Variants in OPHN1 observed in about 807,000 individuals in gnomAD.
OPHN1 encodes oligophrenin-1.
In OPHN1, 11 loss-of-function variants were observed where a neutral mutation model predicts 60.7. That is an observed-to-expected ratio of 0.18 (90% confidence interval 0.11 to 0.30). OPHN1 has a LOEUF of 0.30. Among genes scored for constraint, OPHN1 ranks in the 10% least tolerant of loss-of-function variants. OPHN1 has a pLI of 1.00. For synonymous variants in OPHN1, 226 were observed against 222.6 expected, an observed-to-expected ratio of 1.02 and a Z score of -0.14; for missense variants, 449 against 611.0, an observed-to-expected ratio of 0.73 and a Z score of 2.80.
Position 68,193,959 on chromosome X carries a change from CA to C in OPHN1, c.1139-8del, listed in dbSNP as rs964337927. The stretch of plus-strand genomic sequence containing the variant: ...CCCACTTCATTTAGCTCCACTGTTT[CA>C]AGCAAAGGAAAAGAGTTAGATCCTG... On this transcript the variant is annotated splice_region_variant and splice_polypyrimidine_tract_variant and intron_variant, in intron 13 of 24. Transcript: ENST00000355520. 8 of 1,199,987 alleles carry C rather than the reference CA, an allele frequency of 6.7e-6. No individual in the cohort carries two copies. The African/African-American group carries it at 1.4e-4, about 21-fold the overall frequency.
intron 17 of OPHN1, chrX:68,112,265 A>G (rs1434929964): frequency 9.4e-6 from 2 of 211,721 alleles, no homozygotes; most frequent in Admixed American, 1.4e-4. Flanking sequence ...AAAAACACAC[A>G]CAAAGAAACA....
intron 19 of OPHN1, among the ~76,000 whole-genome samples, chrX:68,078,206 G>A (rs1228017755): frequency 6.3e-5 from 7 of 111,046 alleles, no homozygotes; most frequent in Non-Finnish European, 9.4e-5. Flanking sequence ...TGTGGAAGGG[G>A]GGTTGGCATC....
chrX:68,047,291 C>T (rs1009297744), intron 24 of OPHN1, 128 bp from the exon 25 acceptor site: 13 of 111,545 alleles, frequency 1.2e-4, no homozygotes, highest in Non-Finnish European at 2.1e-4. Context: ...TGAGCAACAG[C>T]GGATTGCTGG....
intron 18 of OPHN1, among the ~76,000 whole-genome samples, chrX:68,100,954 G>A (rs900471677): frequency 2.7e-5 from 3 of 110,436 alleles, no homozygotes; most frequent in African/African-American, 9.9e-5. Flanking sequence ...CACCATGTTA[G>A]CCAGGATGGT....
chrX:68,105,931 T>C (rs1001206115), intron 18 of OPHN1, among the ~76,000 whole-genome samples: 4 of 109,870 alleles, frequency 3.6e-5, no homozygotes, highest in African/African-American at 1.0e-4. Flanking sequence ...TTGGGTCAAA[T>C]GGGAAAAAGT....
intron 2 of OPHN1, among the ~76,000 whole-genome samples, chrX:68,330,772 A>T (rs1435571043): frequency 9.1e-6 from 1 of 109,620 alleles, no homozygotes; most frequent in Non-Finnish European, 1.9e-5. Flanking sequence ...TTGTAAAAAA[A>T]ATTTAAATAT....
chrX:68,324,829 C>G (rs1372850191), intron 2 of OPHN1, among the ~76,000 whole-genome samples: 1 of 107,790 alleles, frequency 9.3e-6, no homozygotes, highest in East Asian at 2.9e-4. Flanking sequence ...ATTGCTTGAG[C>G]CCAGGAGTTT....
At chrX:68,239,816 ATT>A (rs35695832) in intron 5 of OPHN1, among the ~76,000 whole-genome samples, 55,424 of 93,263 alleles carry the variant, frequency 0.59, 14,956 homozygotes, top group East Asian at 0.85. Context: ...TTCCTTTTCT[ATT>A]TTTTTTTTTT....
intron 15 of OPHN1, among the ~76,000 whole-genome samples, chrX:68,161,643 G>A (rs1044090430): frequency 4.1e-4 from 45 of 110,771 alleles, no homozygotes; most frequent in Admixed American, 8.7e-4. Flanking sequence ...TATACTTTTG[G>A]TCAATTACTT....
chrX:68,066,076 C>A lies in OPHN1; in HGVS notation c.1835-1899G>T, dbSNP rs758747232. Reference sequence around the variant, plus strand: ...AAAGGCTCACAAATAATGGCATGAACATGAGCACAAGAGCGCCAAATAACT... The same window carrying A: ...AAAGGCTCACAAATAATGGCATGAAAATGAGCACAAGAGCGCCAAATAACT... On this transcript the variant is annotated intron_variant, in intron 20 of 24. Transcript: ENST00000355520. Among the ~76,000 whole-genome samples the A allele has an allele frequency of 2.7e-5, 3 of 112,450 alleles. No individual in the cohort carries two copies. In the South Asian group the frequency reaches 1.1e-3, roughly 42 times the overall value.
chrX:68,180,860 C>T (rs746322243), intron 15 of OPHN1, among the ~76,000 whole-genome samples: 1 of 111,896 alleles, frequency 8.9e-6, no homozygotes, highest in East Asian at 2.8e-4. Flanking sequence ...TCAAGCAGTC[C>T]TCATCTGAGT....
chrX:68,143,701 C>T (rs748113148), intron 15 of OPHN1, among the ~76,000 whole-genome samples: 2 of 111,524 alleles, frequency 1.8e-5, no homozygotes, highest in African/African-American at 6.5e-5. Flanking sequence ...TAATATCCCC[C>T]GGTAGACAAC....
intron 16 of OPHN1, among the ~76,000 whole-genome samples, chrX:68,114,433 G>T (rs2147434835): frequency 9.0e-6 from 1 of 110,838 alleles, no homozygotes; most frequent in African/African-American, 3.3e-5. Context: ...TGCCACTGTT[G>T]TTACTGTAGT....
intron 21 of OPHN1, among the ~76,000 whole-genome samples, chrX:68,059,669 G>A (rs1198912112): frequency 8.9e-6 from 1 of 111,855 alleles, no homozygotes. Flanking sequence ...CATAACATTA[G>A]TCACCTCAGT....
At chrX:68,126,236 G>A (rs1827698271) in intron 15 of OPHN1, among the ~76,000 whole-genome samples, 1 of 109,397 alleles carries the variant, frequency 9.1e-6, no homozygotes, top group South Asian at 4.0e-4. Flanking sequence ...AAAAAGCATG[G>A]CCCTGCCCAA....
chrX:68,306,154 TTGTC>T (rs772001368), intron 2 of OPHN1, among the ~76,000 whole-genome samples: 1 of 112,221 alleles, frequency 8.9e-6, no homozygotes, highest in Non-Finnish European at 1.9e-5. Context: ...ATTAAACTAG[TTGTC>T]TGAGCATTGG....
At chrX:68,415,238 A>AT (rs1264543166) in intron 2 of OPHN1, among the ~76,000 whole-genome samples, 2 of 112,050 alleles carry the variant, frequency 1.8e-5, no homozygotes, top group African/African-American at 3.2e-5. Context: ...AGATTGCTCC[A>AT]TTTTGAAAAG....
At chrX:68,168,826 C>T (rs1182661748) in intron 15 of OPHN1, among the ~76,000 whole-genome samples, 3 of 111,176 alleles carry the variant, frequency 2.7e-5, no homozygotes, top group East Asian at 5.6e-4. Context: ...GGGGATATCA[C>T]CACCAATCCC....
chrX:68,299,452 G>A (rs1340041076), intron 2 of OPHN1, among the ~76,000 whole-genome samples: 1 of 111,615 alleles, frequency 9.0e-6, no homozygotes, highest in Non-Finnish European at 1.9e-5. Flanking sequence ...CCCCTATTAT[G>A]GGCAATACAC....
Sources: allele counts gnomAD v4.1 joint callset (sites outside exome capture counted in the v4.1 genomes callset), GRCh38; gene constraint gnomAD v4.1.1; transcripts MANE v1.5; gene names NCBI Gene and HGNC (gene_info 2026-07-23, HGNC 2026-07-21).